USH2A: variants seen among roughly 807,000 people sequenced by gnomAD.
The protein encoded by USH2A is usherin.
In USH2A, 443 loss-of-function variants were observed where a neutral mutation model predicts 538.9. The ratio of observed to expected loss-of-function variants is 0.82; its 90% confidence interval spans 0.76 to 0.89. USH2A has a LOEUF of 0.89. Among genes scored for constraint, USH2A ranks in the 40% least tolerant of loss-of-function variants. The pLI, the probability that USH2A is intolerant of heterozygous loss-of-function variation, is 0.00. For synonymous variants in USH2A, 2,413 were observed against 2,273.5 expected (o/e 1.06, Z -1.75); for missense variants, 6,633 against 6,324.8 (o/e 1.05, Z -1.65).
intron 13 of USH2A, among the ~76,000 whole-genome samples, chr1:216,238,438 T>C (rs1264473671): frequency 6.6e-6 from 1 of 152,112 alleles, no homozygotes; most frequent in East Asian, 1.9e-4. Context: ...GGAAAACATA[T>C]TTAGTGTTAT....
intron 32 of USH2A, among the ~76,000 whole-genome samples, chr1:216,036,599 G>C (rs951723756): frequency 5.3e-5 from 8 of 152,082 alleles, no homozygotes; most frequent in African/African-American, 1.9e-4. Context: ...TGGAAACTCA[G>C]AATGGTTTAT....
At chr1:215,931,217 A>G (rs550810009) in intron 38 of USH2A, among the ~76,000 whole-genome samples, 2 of 152,090 alleles carry the variant, frequency 1.3e-5, no homozygotes, top group East Asian at 1.9e-4. Flanking sequence ...TTTAATTTCT[A>G]TCTTCAAATA....
At chr1:215,742,091 A>T (rs1660321458) in intron 59 of USH2A, among the ~76,000 whole-genome samples, 1 of 152,210 alleles carries the variant, frequency 6.6e-6, no homozygotes, top group Non-Finnish European at 1.5e-5. Context: ...TTTCACGTTT[A>T]TCAGGTGAAG....
At position 216,292,166 on chromosome 1, in the gene USH2A, G is replaced by A. The variant is rs1452138200; in HGVS notation, c.1840+9C>T. ...TCCAAACCAACTCAGGAATTTATTTGCTACTTACCTGTAGTGTTATGCTCA... is the reference window on the plus strand; with the variant it reads ...TCCAAACCAACTCAGGAATTTATTTACTACTTACCTGTAGTGTTATGCTCA... On this transcript the variant is annotated intron_variant, in intron 10 of 71. Transcript: ENST00000307340. The A allele has an allele frequency of 3.0e-5, 48 of 1,613,704 alleles. No homozygotes were observed. Among genetic ancestry groups the A allele is most frequent in the Non-Finnish European group, 3.8e-5 (45 of 1,179,828 alleles).
intron 4 of USH2A, among the ~76,000 whole-genome samples, chr1:216,349,293 C>T (rs2038233409): frequency 6.6e-6 from 1 of 152,038 alleles, no homozygotes; most frequent in Non-Finnish European, 1.5e-5. Context: ...CATCCCTCTA[C>T]AACTCTTAAG....
chr1:215,642,182 T>A (rs1312568439), intron 67 of USH2A, among the ~76,000 whole-genome samples: 1 of 152,138 alleles, frequency 6.6e-6, no homozygotes, highest in Non-Finnish European at 1.5e-5. Flanking sequence ...TTACAAATCC[T>A]CCCCAAGGAA....
chr1:215,837,923 C>T (rs1381810075), intron 47 of USH2A, 68 bp downstream of exon 47: 22 of 1,250,170 alleles, frequency 1.8e-5, no homozygotes, highest in East Asian at 1.6e-4. Flanking sequence ...TGAGAGGATA[C>T]CTTTGATTTT....
chr1:215,734,350 C>T (rs941472501), intron 60 of USH2A, among the ~76,000 whole-genome samples: 1 of 152,222 alleles, frequency 6.6e-6, no homozygotes, highest in African/African-American at 2.4e-5. Context: ...CAAAACCATT[C>T]TTTCCTCCTA....
intron 41 of USH2A, among the ~76,000 whole-genome samples, chr1:215,881,697 A>G (rs1342761921): frequency 6.6e-6 from 1 of 152,220 alleles, no homozygotes; most frequent in East Asian, 1.9e-4. Flanking sequence ...TAAAACAATA[A>G]TATTACATTA....
chr1:215,920,159 C>A (rs1399781739), intron 38 of USH2A, among the ~76,000 whole-genome samples: 1 of 152,020 alleles, frequency 6.6e-6, no homozygotes, highest in Non-Finnish European at 1.5e-5. Flanking sequence ...TTCTCAAAGA[C>A]CTTTGTGTTC....
intron 15 of USH2A, 59 bp from the exon 16 acceptor site, chr1:216,207,490 C>T (rs1572051267): frequency 6.2e-7 from 1 of 1,603,594 alleles, no homozygotes; most frequent in East Asian, 2.2e-5. Flanking sequence ...GAAAAGCAAA[C>T]TGAAGTAAGA....
intron 22 of USH2A, among the ~76,000 whole-genome samples, chr1:216,092,040 T>TA (rs201042926): frequency 2.3e-4 from 34 of 150,976 alleles, no homozygotes; most frequent in East Asian, 9.8e-4. Context: ...TTTTTCAAAA[T>TA]AAAAAAAAAT....
At chr1:216,094,022 A>G (rs1035156907) in intron 22 of USH2A, among the ~76,000 whole-genome samples, 1 of 152,198 alleles carries the variant, frequency 6.6e-6, no homozygotes, top group Non-Finnish European at 1.5e-5. Context: ...CTCACTTTGT[A>G]TACTTTAAAG....
intron 56 of USH2A, among the ~76,000 whole-genome samples, chr1:215,763,483 C>T (rs1048808974): frequency 2.0e-5 from 3 of 151,516 alleles, no homozygotes; most frequent in Non-Finnish European, 4.4e-5. Context: ...GGGGAACCCA[C>T]ATAAAGTCGT....
At chr1:216,143,644 G>A (rs2033642032) in intron 21 of USH2A, among the ~76,000 whole-genome samples, 1 of 152,098 alleles carries the variant, frequency 6.6e-6, no homozygotes, top group African/African-American at 2.4e-5. Context: ...AAGTTTTACT[G>A]AATTTTATTT....
chr1:216,091,401 G>T (rs2032298566), intron 22 of USH2A, among the ~76,000 whole-genome samples: 1 of 152,152 alleles, frequency 6.6e-6, no homozygotes, highest in South Asian at 2.1e-4. Flanking sequence ...ATTCAAAATT[G>T]AATTTAATTA....
At chr1:215,976,317 G>C (rs547539214) in intron 35 of USH2A, among the ~76,000 whole-genome samples, 3 of 152,262 alleles carry the variant, frequency 2.0e-5, no homozygotes, top group Admixed American at 6.5e-5. Context: ...TCTTGTGCCT[G>C]ATTGCTCTGG....
At position 215,799,998 on chromosome 1, in the gene USH2A, C is replaced by A. The variant is rs535345518; in HGVS notation, c.9740-873G>T. On this transcript the variant is annotated intron_variant, in intron 49 of 71. Coordinates refer to ENST00000307340, the MANE Select transcript of USH2A (RefSeq NM_206933.4). ...TATCTAAAAAACAAAAACAAACAAA[C>A]AAAAAAAACAAAAAACAGAATTAGA... 3.7e-3 allele frequency among the ~76,000 whole-genome samples: 553 copies of A among 151,220 alleles called. 3 individuals are homozygous for A. Among genetic ancestry groups the A allele is most frequent in the African/African-American group, 0.013 (525 of 41,248 alleles).
At chr1:216,169,849 G>A (rs2034244449) in intron 21 of USH2A, among the ~76,000 whole-genome samples, 1 of 151,966 alleles carries the variant, frequency 6.6e-6, no homozygotes, top group African/African-American at 2.4e-5. Context: ...TATTATATTT[G>A]TTTTTCAATA....
Sources: allele counts gnomAD v4.1 joint callset (sites outside exome capture counted in the v4.1 genomes callset), GRCh38; gene constraint gnomAD v4.1.1; transcripts MANE v1.5; gene names NCBI Gene and HGNC (gene_info 2026-07-23, HGNC 2026-07-21).